AGO2: variants seen among roughly 807,000 people sequenced by gnomAD.
AGO2 encodes protein argonaute-2.
A neutral mutation model predicts 102.3 loss-of-function variants in AGO2; 5 were observed. That is an observed-to-expected ratio of 0.05 (90% CI 0.03 to 0.10). The LOEUF is 0.10. AGO2 is among the 10% of genes least tolerant of loss of function. The pLI, the probability that AGO2 is intolerant of heterozygous loss-of-function variation, is 1.00. For missense variants in AGO2, 541 were observed against 1,183.7 expected (o/e 0.46, Z 7.97); for synonymous variants, 449 against 473.1 (o/e 0.95, Z 0.66).
intron 16 of AGO2, among the ~76,000 whole-genome samples, chr8:140,536,176 C>CA (rs1347484595): frequency 6.6e-6 from 1 of 152,178 alleles, no homozygotes; most frequent in East Asian, 1.9e-4. Context: ...AAAAGTCAGC[C>CA]AAGATGCAGG....
intron 1 of AGO2, among the ~76,000 whole-genome samples, chr8:140,598,654 C>G (rs977548089): frequency 2.6e-5 from 4 of 152,236 alleles, no homozygotes; most frequent in South Asian, 4.1e-4. Flanking sequence ...GGAGGAAGCG[C>G]GTGCTGGCTG....
intron 9 of AGO2, 41 bp downstream of exon 9, chr8:140,556,126 C>A: frequency 1.9e-6 from 3 of 1,612,664 alleles, no homozygotes; most frequent in Non-Finnish European, 2.5e-6. Context: ...GGCAACCGGA[C>A]TGGATTCCAC....
intron 11 of AGO2, among the ~76,000 whole-genome samples, chr8:140,550,179 G>T (rs2072971879): frequency 6.6e-6 from 1 of 152,266 alleles, no homozygotes; most frequent in East Asian, 1.9e-4. Context: ...GACACAAGGT[G>T]GCCTCAGAAG....
At chr8:140,614,347 G>A (rs1384966918) in intron 1 of AGO2, among the ~76,000 whole-genome samples, 5 of 152,094 alleles carry the variant, frequency 3.3e-5, no homozygotes, top group African/African-American at 1.2e-4. Context: ...AGCAAAGGCA[G>A]GACTCAAGTC....
At chr8:140,640,998 A>C in the AGO2 span, among the ~76,000 whole-genome samples, 36 of 152,222 alleles carry the variant, frequency 2.4e-4, no homozygotes, top group Admixed American at 1.4e-3. Context: ...AAAAGAGATA[A>C]ATAAAAGCTA....
At chr8:140,640,430 C>T (rs896045228), upstream of AGO2, among the ~76,000 whole-genome samples, 4 of 152,142 alleles carry the variant, frequency 2.6e-5, no homozygotes, top group Non-Finnish European at 5.9e-5. Context: ...CTAAATTTAA[C>T]TCTGAATCTA....
intron 2 of AGO2, among the ~76,000 whole-genome samples, chr8:140,584,207 G>A (rs982792231): frequency 6.7e-6 from 1 of 149,614 alleles, no homozygotes; most frequent in African/African-American, 2.4e-5. Flanking sequence ...TCACTTAATC[G>A]ATGAAAATAA....
intron 14 of AGO2, 74 bp from the exon 15 acceptor site, chr8:140,541,432 G>T (rs1049223086): frequency 1.5e-6 from 2 of 1,361,310 alleles, no homozygotes; most frequent in Admixed American, 2.7e-5. Context: ...CTGGACTCTC[G>T]GGAAGATGGG....
chr8:140,562,305 T>G, intron 4 of AGO2, 148 bp downstream of exon 4: 3 of 963,112 alleles, frequency 3.1e-6, no homozygotes, highest in South Asian at 3.5e-5. Context: ...TAGCACCATT[T>G]GTGTTATCTT....
intron 1 of AGO2, among the ~76,000 whole-genome samples, chr8:140,597,487 C>G (rs1369489468): frequency 1.3e-4 from 17 of 134,084 alleles, no homozygotes; most frequent in Admixed American, 3.0e-4. Context: ...CCCCCCCCCC[C>G]GCCCCAGGCC....
rs1363747112 is a variant in AGO2 at position 140,527,397 on chromosome 8, A to G, written c.*4647T>C. The G allele has an allele frequency of 6.5e-6, 1 of 152,734 alleles. No homozygotes were observed. Among genetic ancestry groups the G allele is most frequent in the Non-Finnish European group, 1.5e-5 (1 of 68,046 alleles). 9.5% of individuals were successfully genotyped at this position (152,734 alleles called of 1,614,324 possible). The stretch of plus-strand genomic sequence containing the variant: ...CTTCTCCTACCACAAATCTATTTAC[A>G]ATCATCTCAAACAAGTACAGCAGAT... On this transcript the variant is annotated 3_prime_UTR_variant, in exon 19 of 19. Transcript: ENST00000220592. The surrounding 1 kb of genome is among the most constrained non-coding windows in gnomAD (Gnocchi z 6.0).
intron 16 of AGO2, 142 bp from the exon 17 acceptor site, chr8:140,535,711 A>G (rs2072684697): frequency 1.5e-6 from 1 of 678,864 alleles, no homozygotes; most frequent in Non-Finnish European, 2.6e-6. Context: ...TCGGTAGGAT[A>G]GTGTTACATA....
At chr8:140,641,892 TGA>T in the AGO2 span, among the ~76,000 whole-genome samples, 1 of 152,048 alleles carries the variant, frequency 6.6e-6, no homozygotes, top group East Asian at 1.9e-4. Flanking sequence ...TTAAATAGAA[TGA>T]GGCTGGGCAC....
intron 17 of AGO2, chr8:140,535,265 G>T (rs1272273526): frequency 3.4e-6 from 2 of 586,730 alleles, no homozygotes; most frequent in Non-Finnish European, 6.1e-6. Context: ...CCTTTTTCTG[G>T]GAGGCTCATG....
At chr8:140,549,464 T>A (rs989240337) in intron 11 of AGO2, among the ~76,000 whole-genome samples, 166 bp from the exon 12 acceptor site, 1 of 152,246 alleles carries the variant, frequency 6.6e-6, no homozygotes, top group Non-Finnish European at 1.5e-5. Context: ...CAGAGCTACA[T>A]CTCCTAACAC....
chr8:140,569,542 A>G (rs1439435737), intron 3 of AGO2, among the ~76,000 whole-genome samples: 1 of 152,178 alleles, frequency 6.6e-6, no homozygotes, highest in East Asian at 1.9e-4. Context: ...TTTCTATTCA[A>G]CTGAGCAGAG....
Position 140,539,415 on chromosome 8 carries a change from T to C in AGO2, c.2074A>G (p.Ile692Val). The change falls in exon 16 of 19, where the codon ATC becomes GTC. Residue 692 changes from isoleucine to valine, a missense_variant. This residue lies in a region of AGO2 where 309 missense variants were observed against 735.1 expected (regional missense o/e 0.42). Transcript: ENST00000220592. This position sits in a 1 kb window ranked among gnomAD's most constrained non-coding sequence, Gnocchi z 4.7. ...GGCTGGTAGTCTTTTTCTAGCTTGA[T>C]ACAGGCCTCACGGATGGCCAGCAAC... ...HELLAIREACIKLEKDYQPGI... is the reference protein window; with the variant it reads ...HELLAIREACVKLEKDYQPGI... 2 of 1,614,080 alleles carry C rather than the reference T, an allele frequency of 1.2e-6. No individual in the cohort carries two copies. The highest frequency in any genetic ancestry group is 1.7e-6 in the Non-Finnish European group (2 of 1,179,962).
chr8:140,598,077 G>C (rs1293404085), intron 1 of AGO2, among the ~76,000 whole-genome samples: 1 of 152,228 alleles, frequency 6.6e-6, no homozygotes, highest in Non-Finnish European at 1.5e-5. Flanking sequence ...TAACCCAGGA[G>C]GGTGAGAAAG....
upstream of AGO2, among the ~76,000 whole-genome samples, chr8:140,639,183 T>C (rs1269043848): frequency 6.6e-6 from 1 of 152,178 alleles, no homozygotes; most frequent in Non-Finnish European, 1.5e-5. Context: ...TTTTGTTTTG[T>C]TTTGTTTTTT....
Sources: gnomAD v4.1 joint callset for allele counts (sites outside exome capture counted in the v4.1 genomes callset) on GRCh38, gnomAD v4.1.1 for gene constraint, gnomAD v4.1.1 regional missense constraint, Gnocchi (gnomAD v3.1) non-coding constraint, MANE v1.5 for transcripts, NCBI Gene and HGNC (gene_info 2026-07-23, HGNC 2026-07-21) for gene names.